Variants in ZNF335 observed in about 807,000 individuals in gnomAD.
The protein encoded by ZNF335 is zinc finger protein 335.
ZNF335 carries 84 observed loss-of-function variants against 145.6 expected under a neutral mutation model. The observed-to-expected ratio is 0.58, with a 90% CI of 0.48 to 0.69. The LOEUF (loss-of-function observed/expected upper bound fraction) is 0.69, where lower values mean the gene tolerates loss of function less well. ZNF335 is among the 30% of genes least tolerant of loss of function. The pLI, the probability that ZNF335 is intolerant of heterozygous loss-of-function variation, is 0.00. For synonymous variants in ZNF335, 761 were observed against 717.0 expected, an observed-to-expected ratio of 1.06 and a Z score of -0.98; for missense variants, 1,865 against 1,809.7, an observed-to-expected ratio of 1.03 and a Z score of -0.55.
Position 45,962,071 on chromosome 20 carries a change from G to T in ZNF335, c.1645C>A (p.Arg549=), listed in dbSNP as rs775353059. The T allele has an allele frequency of 7.9e-7, 1 of 1,259,114 alleles. No individual in the cohort carries two copies. Among genetic ancestry groups the T allele is most frequent in the Non-Finnish European group, 1.1e-6 (1 of 926,224 alleles). The allele number at this position is 1,259,114 out of a possible 1,614,324, so 78.0% of individuals were successfully genotyped here. The part of the protein sequence containing the change: ...IRHAAVHSRD[R]KKRPDPTPKL... ...GGTCCCTCCCACCCCCACACTGACC[G>T]GTCCCGGCTGTGCACAGCGGCGTGC... The change falls in exon 10 of 28, where the codon CGG becomes AGG. Residue 549 remains arginine (R), a splice_region_variant and synonymous_variant. Transcript: ENST00000322927.
intron 1 of ZNF335, chr20:45,971,859 C>A: frequency 2.0e-6 from 2 of 985,316 alleles, no homozygotes; most frequent in Non-Finnish European, 2.4e-6. Flanking sequence ...GGTTCCCCTG[C>A]GGAGGCGGCT....
chr20:45,950,405 TC>T lies in ZNF335; in HGVS notation c.3333-33del, dbSNP rs772615219. On this transcript the variant is annotated intron_variant, in intron 21 of 27. Coordinates refer to ENST00000322927, the MANE Select transcript of ZNF335 (RefSeq NM_022095.4). The stretch of plus-strand genomic sequence containing the variant: ...GGGATGAAAGGTGGCTCAGGTTAGC[TC>T]CACCATACATGCCCAGCAGTCCCCA... 94 of 1,611,648 alleles carry T rather than the reference TC, an allele frequency of 5.8e-5. No homozygotes were observed. In the African/African-American group the frequency reaches 1.2e-3, roughly 20 times the overall value.
Position 45,949,268 on chromosome 20 carries a change from G to A in ZNF335, c.3820-17C>T, listed in dbSNP as rs959893772. ...ATACTGGATCTGGAGGGGAGAAGCT[G>A]ATAAGATGCTGGCCTGGAGAAACCT... is the stretch of plus-strand genomic sequence containing the variant. On this transcript the variant is annotated splice_polypyrimidine_tract_variant and intron_variant, in intron 26 of 27. Transcript: ENST00000322927. The A allele has an allele frequency of 1.2e-5, 20 of 1,613,800 alleles. No individual in the cohort carries two copies. The Admixed American group carries it at 1.7e-4, about 13-fold the overall frequency.
chr20:45,968,028 C>T lies in ZNF335; in HGVS notation c.521-1G>A. On this transcript the variant is annotated splice_acceptor_variant, in intron 4 of 27. Coordinates refer to ENST00000322927, the MANE Select transcript of ZNF335 (RefSeq NM_022095.4). LOFTEE classifies it high-confidence loss of function. ...GACATTGGTGATGTCATGGGGGCTC[C>T]TGGGGATGGGTGAGGCAATTGGAGG... is the stretch of plus-strand genomic sequence containing the variant. 6.2e-7 allele frequency: 1 copy of T among 1,612,382 alleles called. No individual in the cohort carries two copies. Among genetic ancestry groups the T allele is most frequent in the South Asian group, 1.1e-5 (1 of 91,072 alleles).
intron 7 of ZNF335, chr20:45,964,290 C>T: frequency 6.2e-6 from 2 of 323,882 alleles, no homozygotes; most frequent in Non-Finnish European, 1.1e-5. Flanking sequence ...ACATGCTGTG[C>T]ACCTACAGAC....
intron 7 of ZNF335, among the ~76,000 whole-genome samples, chr20:45,965,398 C>G (rs1410264917): frequency 6.6e-6 from 1 of 152,158 alleles, no homozygotes; most frequent in Admixed American, 6.5e-5. Context: ...TTTGCTATGA[C>G]AAATTGTGGT....
chr20:45,966,094 A>T (rs929345762), intron 6 of ZNF335, among the ~76,000 whole-genome samples: 3 of 151,758 alleles, frequency 2.0e-5, no homozygotes, highest in African/African-American at 7.3e-5. Context: ...AAGTCCACAA[A>T]CTCTACGGCT....
rs529253480 is a variant in ZNF335 at position 45,967,077 on chromosome 20, C to T, written c.955+417G>A. 50 of 193,596 alleles carry T rather than the reference C, an allele frequency of 2.6e-4. 1 individual carries two copies. The South Asian group carries it at 5.0e-3, about 19-fold the overall frequency. 12.0% of individuals were successfully genotyped at this position (193,596 alleles called of 1,614,324 possible). On this transcript the variant is annotated intron_variant, in intron 6 of 27. Transcript: ENST00000322927. ...TTGTCCAGGCTGGGAGAACCCGTTT[C>T]TACAAAAATTAAAAAATTAGCCAGG...
chr20:45,949,780 A>T lies in ZNF335; in HGVS notation c.3669+20T>A. On this transcript the variant is annotated intron_variant, in intron 24 of 27. Transcript: ENST00000322927. ...GTAGGAGGTCACAGCTGAGGGGATT[A>T]ACAGTAGCTAGTAGCTCACCTGGTT... 2 of 1,613,794 alleles carry T rather than the reference A, an allele frequency of 1.2e-6. No individual in the cohort carries two copies. The highest frequency in any genetic ancestry group is 1.7e-6 in the Non-Finnish European group (2 of 1,179,778).
intron 17 of ZNF335, 30 bp downstream of exon 17, chr20:45,957,556 G>A (rs2083751291): frequency 1.2e-6 from 2 of 1,604,674 alleles, no homozygotes; most frequent in Admixed American, 3.3e-5. Flanking sequence ...GCGGTAGCTG[G>A]GAAGGGGAGC....
intron 24 of ZNF335, 68 bp downstream of exon 24, chr20:45,949,732 C>G: frequency 1.3e-6 from 2 of 1,576,716 alleles, no homozygotes; most frequent in East Asian, 2.2e-5. Context: ...TATCATTCCT[C>G]CCCAAGGTAG....
rs979434203 is a variant in ZNF335, at chr20:45,962,151, G to A, written c.1565C>T (p.Pro522Leu). The A allele has an allele frequency of 3.1e-6, 5 of 1,614,116 alleles. No homozygotes were observed. Among genetic ancestry groups the A allele is most frequent in the Non-Finnish European group, 4.2e-6 (5 of 1,180,030 alleles). ...EHMFNHVGSK[P>L]YKCDECSYTS... ...GTAGCTGCACTCGTCACACTTGTAG[G>A]GCTTGCTGCCCACGTGGTTGAACAT... Residue 522 changes from proline to leucine, a missense_variant, in exon 10 of 28, where the codon CCC becomes CTC. Transcript: ENST00000322927.
Position 45,949,351 on chromosome 20 carries a change from C to T in ZNF335, c.3801G>A (p.Pro1267=), listed in dbSNP as rs747273985. 48 of 1,614,036 alleles carry T rather than the reference C, an allele frequency of 3.0e-5. No individual in the cohort carries two copies. Among genetic ancestry groups the T allele is most frequent in the South Asian group, 2.5e-4 (23 of 91,094 alleles). ...GCCCTACCTGGGACTCCTGAAGGAA[C>T]GGGGCTCCTTGTTCATACTGGATGT... ...ITHIQYEQGA[P]FLQESQIQYV... The change falls in exon 26 of 28, where the codon CCG becomes CCA. Residue 1267 remains proline (P), a synonymous_variant. Coordinates refer to ENST00000322927, the MANE Select transcript of ZNF335 (RefSeq NM_022095.4).
intron 10 of ZNF335, among the ~76,000 whole-genome samples, chr20:45,961,207 G>A (rs748113026): frequency 3.3e-5 from 5 of 152,000 alleles, no homozygotes; most frequent in Non-Finnish European, 7.4e-5. Flanking sequence ...ACAAGACATC[G>A]TCTCTACAAA....
rs560367741 is a variant in ZNF335, at chr20:45,964,247, G to A, written c.1103-257C>T. On this transcript the variant is annotated intron_variant, in intron 7 of 27. Transcript: ENST00000322927. ...GCGAGAGCTGGGACCTCCCAGTCAG[G>A]AGACCTGGGTTCCAGGCACGGCTCT... is the stretch of plus-strand genomic sequence containing the variant. 2.1e-4 allele frequency: 86 copies of A among 406,316 alleles called. 1 individual carries two copies. Among genetic ancestry groups the A allele is most frequent in the African/African-American group, 1.7e-3 (81 of 48,882 alleles). 25.2% of individuals were successfully genotyped at this position (406,316 alleles called of 1,614,324 possible).
intron 1 of ZNF335, chr20:45,971,847 C>CT: frequency 1.0e-6 from 1 of 985,442 alleles, no homozygotes; most frequent in Non-Finnish European, 1.2e-6. Flanking sequence ...TCGCTCCCCC[C>CT]CGGTTCCCCT....
At chr20:45,965,903 G>C in intron 6 of ZNF335, 129 bp from the exon 7 acceptor site, 1 of 1,145,916 alleles carries the variant, frequency 8.7e-7, no homozygotes, top group Non-Finnish European at 1.2e-6. Context: ...GCCTCCTCCA[G>C]AAAGCCCTCC....
rs139482158 is a variant in ZNF335 at position 45,952,653 on chromosome 20, T to G, written c.2759A>C (p.Glu920Ala). Reference protein sequence around the residue: ...QAVVVSDTLKEAGTHYIMATD... With the variant: ...QAVVVSDTLKAAGTHYIMATD... ...AGCCATGATGTAGTGGGTGCCAGCT[T>G]CTTTTAGGGTGTCACTCACAACCAC... Residue 920 changes from glutamate (E) to alanine (A), a missense_variant, in exon 19 of 28, where the codon GAA becomes GCA. Physicochemically the swap from Glu to Ala is moderately radical, Grantham distance 107. Transcript: ENST00000322927. 31 of 1,613,652 alleles carry G rather than the reference T, an allele frequency of 1.9e-5. No homozygotes were observed. The African/African-American group carries it at 2.8e-4, about 15-fold the overall frequency.
intron 16 of ZNF335, 28 bp from the exon 17 acceptor site, chr20:45,957,708 A>G (rs369798918): frequency 3.8e-5 from 62 of 1,613,222 alleles, no homozygotes; most frequent in Non-Finnish European, 4.9e-5. Context: ...TAAGCCTGAC[A>G]AAGTGCTAGA....
Sources: gnomAD v4.1 joint callset for allele counts (sites outside exome capture counted in the v4.1 genomes callset) on GRCh38, gnomAD v4.1.1 for gene constraint, MANE v1.5 for transcripts, NCBI Gene and HGNC (gene_info 2026-07-23, HGNC 2026-07-21) for gene names.